Variants in STAU1 observed in about 807,000 individuals in gnomAD.
STAU1 encodes staufen double-stranded RNA binding protein 1.
STAU1 carries 13 observed loss-of-function variants against 62.9 expected under a neutral mutation model. The ratio of observed to expected loss-of-function variants is 0.21; its 90% CI spans 0.13 to 0.33. The LOEUF is 0.33. Among genes scored for constraint, STAU1 ranks in the 10% least tolerant of loss-of-function variants. The pLI, the probability that STAU1 is intolerant of heterozygous loss-of-function variation, is 1.00. For synonymous variants in STAU1, 269 were observed against 265.1 expected (o/e 1.01, Z -0.14); for missense variants, 571 against 712.1 (o/e 0.80, Z 2.25).
At chr20:49,125,215 A>C (rs1466696649) in intron 6 of STAU1, among the ~76,000 whole-genome samples, 2 of 146,724 alleles carry the variant, frequency 1.4e-5, no homozygotes, top group Non-Finnish European at 3.0e-5. Flanking sequence ...AAAAAAAAAA[A>C]AAAAAAAAAC....
the STAU1 span, among the ~76,000 whole-genome samples, chr20:49,208,369 T>A: frequency 9.9e-5 from 15 of 151,968 alleles, no homozygotes; most frequent in African/African-American, 2.2e-4. Context: ...ATATATATAT[T>A]TTTTTGTATT....
At position 49,177,768 on chromosome 20, in the gene STAU1, T is replaced by A. The variant is rs78824004; in HGVS notation, c.-159-3499A>T. ...CTGTTAGAGTCAGACATAAAGACAA[T>A]GCTAAAAAATAACCATCATCAACTT... is the stretch of plus-strand genomic sequence containing the variant. On this transcript the variant is annotated intron_variant, in intron 1 of 13. Transcript: ENST00000371856. 7.2e-3 allele frequency among the ~76,000 whole-genome samples: 1,100 copies of A among 151,836 alleles called. 14 individuals carry two copies. The highest frequency in any genetic ancestry group is 0.025 in the African/African-American group (1,051 of 41,426).
upstream of STAU1, among the ~76,000 whole-genome samples, chr20:49,189,201 CAAAAAAAAAAAAAAAAAA>C (rs545643816): frequency 5.9e-4 from 20 of 33,624 alleles, no homozygotes; most frequent in Admixed American, 3.8e-3. Context: ...ACACTGGTCT[CAAAAAAAAAAAAAAAAAA>C]AAAAAAAAAA....
At chr20:49,123,858 T>C (rs2092528504) in intron 7 of STAU1, among the ~76,000 whole-genome samples, 1 of 152,218 alleles carries the variant, frequency 6.6e-6, no homozygotes, top group South Asian at 2.1e-4. Flanking sequence ...AATCACAAAG[T>C]TCCCCATGGA....
At chr20:49,158,986 T>C (rs2093409180) in intron 3 of STAU1, 2 of 1,301,094 alleles carry the variant, frequency 1.5e-6, no homozygotes, top group Non-Finnish European at 2.0e-6. Flanking sequence ...TCCTTTATTA[T>C]ATGTTCTGCA....
chr20:49,206,493 G>A, the STAU1 span, among the ~76,000 whole-genome samples: 2 of 135,394 alleles, frequency 1.5e-5, no homozygotes, highest in Admixed American at 7.5e-5. Flanking sequence ...GTGATCCTGG[G>A]CCACCGTGCC....
the STAU1 span, among the ~76,000 whole-genome samples, chr20:49,213,548 C>T: frequency 6.6e-6 from 1 of 151,946 alleles, no homozygotes; most frequent in Non-Finnish European, 1.5e-5. Flanking sequence ...TAATGTGGGG[C>T]GATTATAATC....
At chr20:49,145,177 G>C (rs1347692506) in intron 5 of STAU1, among the ~76,000 whole-genome samples, 4 of 152,168 alleles carry the variant, frequency 2.6e-5, no homozygotes, top group African/African-American at 7.2e-5. Context: ...TGTAATCCCA[G>C]CACTTTGGGA....
chr20:49,183,998 C>G (rs1384114097), intron 1 of STAU1, among the ~76,000 whole-genome samples: 1 of 150,090 alleles, frequency 6.7e-6, no homozygotes, highest in Non-Finnish European at 1.5e-5. Flanking sequence ...GGCACGATAA[C>G]CGCTCACTGC....
At chr20:49,154,438 T>C in intron 3 of STAU1, among the ~76,000 whole-genome samples, 1 of 152,250 alleles carries the variant, frequency 6.6e-6, no homozygotes, top group Admixed American at 6.5e-5. Flanking sequence ...TTGAGAATAC[T>C]TAATCAATAT....
chr20:49,207,289 A>G, the STAU1 span, among the ~76,000 whole-genome samples: 3 of 150,926 alleles, frequency 2.0e-5, no homozygotes, highest in Non-Finnish European at 4.4e-5. Flanking sequence ...CTGCCAAGTC[A>G]GAGTGTCCAC....
At chr20:49,152,370 A>G (rs1162349045) in intron 4 of STAU1, among the ~76,000 whole-genome samples, 70 of 78,818 alleles carry the variant, frequency 8.9e-4, no homozygotes, top group African/African-American at 3.4e-3. Context: ...TGTGAGATGG[A>G]GTTTCTCTTG....
the STAU1 span, among the ~76,000 whole-genome samples, chr20:49,206,722 TA>T: frequency 7.6e-4 from 8 of 10,520 alleles, no homozygotes; most frequent in Admixed American, 3.9e-3. Context: ...TGAAATTTTA[TA>T]TATATATATA....
chr20:49,200,694 CA>C, the STAU1 span, among the ~76,000 whole-genome samples: 2 of 151,830 alleles, frequency 1.3e-5, no homozygotes, highest in African/African-American at 4.8e-5. Flanking sequence ...AACTTAGACC[CA>C]AAAGCCCCCA....
chr20:49,214,854 C>T, the STAU1 span, among the ~76,000 whole-genome samples: 2 of 152,190 alleles, frequency 1.3e-5, no homozygotes, highest in Non-Finnish European at 2.9e-5. Context: ...GTTAGAATTT[C>T]AACACATGAA....
At chr20:49,184,185 C>T (rs1032592538) in intron 1 of STAU1, among the ~76,000 whole-genome samples, 22 of 152,134 alleles carry the variant, frequency 1.4e-4, no homozygotes, top group African/African-American at 4.8e-4. Context: ...CCCACCTCAG[C>T]CTCCAAAAGT....
At chr20:49,147,730 T>C (rs761493943) in intron 5 of STAU1, among the ~76,000 whole-genome samples, 1 of 152,240 alleles carries the variant, frequency 6.6e-6, no homozygotes, top group Non-Finnish European at 1.5e-5. Context: ...AATAAAGCAG[T>C]GCATTCACAT....
chr20:49,117,838 T>G lies in STAU1; in HGVS notation c.1448A>C (p.His483Pro). The change falls in exon 11 of 14, where the codon CAT becomes CCT. Residue 483 changes from histidine to proline, a missense_variant. Coordinates refer to ENST00000371856, the MANE Select transcript of STAU1 (RefSeq NM_017453.4). This position sits in a 1 kb window ranked among gnomAD's most constrained non-coding sequence, Gnocchi z 4.6. ...KNNISSGHVP[H>P]GPLTRPSEQL... ...CTCAGAGGGTCTCGTGAGAGGTCCA[T>G]GGGGTACGTGGCCTGAAGAGATGTT... 1 of 1,614,110 alleles carries G rather than the reference T, an allele frequency of 6.2e-7. No individual in the cohort carries two copies. The highest frequency in any genetic ancestry group is 8.5e-7 in the Non-Finnish European group (1 of 1,180,014).
At position 49,117,536 on chromosome 20, in the gene STAU1, A is replaced by G. The variant is rs1160217368; in HGVS notation, c.1509+241T>C. Among the ~76,000 whole-genome samples, 1 of 152,218 alleles carries G rather than the reference A, an allele frequency of 6.6e-6. No individual in the cohort carries two copies. Among genetic ancestry groups the G allele is most frequent in the Non-Finnish European group, 1.5e-5 (1 of 68,036 alleles). Reference sequence around the variant, plus strand: ...AAATTTACAACCACTGCTAGTGGTTAGAAGCTTTTAGGGTTGGCTTGCATG... The same window carrying G: ...AAATTTACAACCACTGCTAGTGGTTGGAAGCTTTTAGGGTTGGCTTGCATG... On this transcript the variant is annotated intron_variant, in intron 11 of 13. Coordinates refer to ENST00000371856, the MANE Select transcript of STAU1 (RefSeq NM_017453.4). This position sits in a 1 kb window ranked among gnomAD's most constrained non-coding sequence, Gnocchi z 4.6.
Sources: allele counts gnomAD v4.1 joint callset (sites outside exome capture counted in the v4.1 genomes callset), GRCh38; gene constraint gnomAD v4.1.1; non-coding constraint Gnocchi (gnomAD v3.1); transcripts MANE v1.5; gene names NCBI Gene and HGNC (gene_info 2026-07-23, HGNC 2026-07-21).